TSC22D3: variants seen among roughly 807,000 people sequenced by gnomAD.
TSC22D3 encodes TSC22 domain family member 3, also known as TSC22 domain family protein 3.
Under a neutral mutation model 11.1 loss-of-function variants are expected in TSC22D3, and 4 were observed. The observed-to-expected ratio is 0.36, with a 90% CI of 0.18 to 0.83. The LOEUF is 0.83. Among genes scored for constraint, TSC22D3 ranks in the 40% least tolerant of loss-of-function variants. The pLI, the probability that TSC22D3 is intolerant of heterozygous loss-of-function variation, is 0.48. For synonymous variants in TSC22D3, 77 were observed against 70.3 expected, an observed-to-expected ratio of 1.10 and a Z score of -0.48; for missense variants, 118 against 159.4, an observed-to-expected ratio of 0.74 and a Z score of 1.40.
At chrX:107,770,616 G>A (rs977831209) in intron 1 of TSC22D3, among the ~76,000 whole-genome samples, 1 of 111,695 alleles carries the variant, frequency 9.0e-6, no homozygotes, top group African/African-American at 3.3e-5. Context: ...GAGCTGGAAG[G>A]GAAATCGGAT....
chrX:107,753,879 C>T (rs758928102), intron 1 of TSC22D3, among the ~76,000 whole-genome samples: 101 of 109,447 alleles, frequency 9.2e-4, no homozygotes, highest in African/African-American at 3.1e-3. Flanking sequence ...GGCAGATCTA[C>T]TGAAAAAAGT....
chrX:107,758,714 C>T (rs189956302), intron 1 of TSC22D3, among the ~76,000 whole-genome samples: 2 of 111,673 alleles, frequency 1.8e-5, no homozygotes, highest in Non-Finnish European at 3.8e-5. Flanking sequence ...CAAACACACA[C>T]GTAAAGAACT....
At chrX:107,771,307 G>A (rs1324853724) in intron 1 of TSC22D3, among the ~76,000 whole-genome samples, 5 of 112,271 alleles carry the variant, frequency 4.5e-5, no homozygotes, top group African/African-American at 9.7e-5. Flanking sequence ...CCATTTGGTC[G>A]GGCGCAGTGG....
At chrX:107,735,349 T>C (rs1292826135) in intron 1 of TSC22D3, among the ~76,000 whole-genome samples, 1 of 111,664 alleles carries the variant, frequency 9.0e-6, no homozygotes, top group Non-Finnish European at 1.9e-5. Flanking sequence ...AGGGCCTTGG[T>C]TTCCACACCT....
At chrX:107,723,461 C>T (rs1927457563) in intron 1 of TSC22D3, among the ~76,000 whole-genome samples, 1 of 112,708 alleles carries the variant, frequency 8.9e-6, no homozygotes, top group African/African-American at 3.2e-5. Context: ...TATCCCACCT[C>T]TTTCAGAGGC....
intron 1 of TSC22D3, among the ~76,000 whole-genome samples, chrX:107,757,489 G>T (rs973703575): frequency 1.8e-5 from 2 of 112,232 alleles, no homozygotes; most frequent in African/African-American, 6.5e-5. Context: ...CTCTGGTGAG[G>T]AGATACAAGC....
chrX:107,724,861 G>T (rs1319435227), intron 1 of TSC22D3, among the ~76,000 whole-genome samples: 1 of 112,561 alleles, frequency 8.9e-6, no homozygotes, highest in Non-Finnish European at 1.9e-5. Context: ...AAATGAAGGA[G>T]AAATAAAAAC....
intron 1 of TSC22D3, among the ~76,000 whole-genome samples, chrX:107,731,792 G>A (rs1310445852): frequency 1.1e-4 from 11 of 104,381 alleles, no homozygotes; most frequent in African/African-American, 3.9e-4. Flanking sequence ...GCCTGCGCTG[G>A]GGATAAGCAG....
At chrX:107,716,639 T>C in intron 1 of TSC22D3, 1 of 1,049,119 alleles carries the variant, frequency 9.5e-7, no homozygotes. Context: ...CTAGCCCAGC[T>C]CCGGCCGGCG....
At chrX:107,741,586 A>T (rs1283510565) in intron 1 of TSC22D3, among the ~76,000 whole-genome samples, 2 of 113,060 alleles carry the variant, frequency 1.8e-5, no homozygotes, top group Non-Finnish European at 3.7e-5. Flanking sequence ...AAGGAGGCTA[A>T]GGAGAAACTA....
intron 1 of TSC22D3, among the ~76,000 whole-genome samples, chrX:107,746,574 ATGCTATACTTCCAGC>A (rs1928671325): frequency 8.9e-6 from 1 of 111,921 alleles, no homozygotes; most frequent in South Asian, 3.7e-4. Flanking sequence ...ACCCTCCCAG[ATGCTATACTTCCAGC>A]TGTCCCTTCA....
intron 1 of TSC22D3, among the ~76,000 whole-genome samples, chrX:107,756,859 GC>G (rs1170752175): frequency 1.8e-5 from 2 of 112,490 alleles, no homozygotes; most frequent in Non-Finnish European, 3.8e-5. Flanking sequence ...CAGCTGGAGT[GC>G]CCCATGCCCA....
chrX:107,742,281 AAGAGAGAGAGAG>A (rs764889060), intron 1 of TSC22D3, among the ~76,000 whole-genome samples: 4,529 of 56,755 alleles, frequency 0.08, 178 homozygotes, highest in Non-Finnish European at 0.11. Flanking sequence ...GAGAGAGAGA[AAGAGAGAGAGAG>A]AGAGAGAGAG....
At chrX:107,769,560 T>G (rs952084826) in intron 1 of TSC22D3, among the ~76,000 whole-genome samples, 15 of 111,651 alleles carry the variant, frequency 1.3e-4, no homozygotes, top group Admixed American at 1.0e-3. Flanking sequence ...ATTTTGGGAA[T>G]GATAATGGTT....
At position 107,714,644 on chromosome X, in the gene TSC22D3, T is replaced by C; in HGVS notation, c.478A>G (p.Asn160Asp). Residue 160 changes from asparagine to aspartate, a missense_variant, in exon 3 of 3, where the codon AAC (asparagine) becomes GAC (aspartate). Coordinates refer to ENST00000372383, the MANE Select transcript of TSC22D3 (RefSeq NM_198057.3). ...CTTGCCAGGGTCTTCAACAGGGTGT[T>C]CTCACGCTCTAGCTGGGAGTTCTTC... ...VEKNSQLERE[N>D]TLLKTLASPE... 8.3e-7 allele frequency: 1 copy of C among 1,211,398 alleles called. No individual in the cohort carries two copies. The highest frequency in any genetic ancestry group is 1.1e-6 in the Non-Finnish European group (1 of 895,388).
At chrX:107,727,153 G>T (rs1252754914) in intron 1 of TSC22D3, among the ~76,000 whole-genome samples, 6 of 112,088 alleles carry the variant, frequency 5.4e-5, no homozygotes, top group East Asian at 5.5e-4. Context: ...ATAGGCTGCT[G>T]CAATGATGGG....
chrX:107,734,246 G>A (rs1447619363), intron 1 of TSC22D3, among the ~76,000 whole-genome samples: 1 of 112,196 alleles, frequency 8.9e-6, no homozygotes, highest in Non-Finnish European at 1.9e-5. Flanking sequence ...GCCCACCATA[G>A]TACAGTGTGT....
rs772626665 is a variant in TSC22D3 at position 107,729,394 on chromosome X, C to T, written c.321-13444G>A. Reference sequence around the variant, plus strand: ...GGAATGAGTCTAGTGGGAGAAATTCCAGGCAGAAGGGCAGGACGCTGGAGG... The same window carrying T: ...GGAATGAGTCTAGTGGGAGAAATTCTAGGCAGAAGGGCAGGACGCTGGAGG... On this transcript the variant is annotated intron_variant, in intron 1 of 2. Transcript: ENST00000372383. Among the ~76,000 whole-genome samples, 4 of 111,830 alleles carry T rather than the reference C, an allele frequency of 3.6e-5. No homozygotes were observed. In the Admixed American group the frequency reaches 3.8e-4, roughly 11 times the overall value.
rs1242656058 is a variant in TSC22D3, at chrX:107,744,212, C to A, written c.321-28262G>T. The stretch of plus-strand genomic sequence containing the variant: ...TGCTGCCCTGCCCTCTCTGACATGG[C>A]CAACCTTCCAATACTGCCAGCCGCT... On this transcript the variant is annotated intron_variant, in intron 1 of 2. Coordinates refer to ENST00000372383, the MANE Select transcript of TSC22D3 (RefSeq NM_198057.3). Among the ~76,000 whole-genome samples, 3 of 112,090 alleles carry A rather than the reference C, an allele frequency of 2.7e-5. No homozygotes were observed. The East Asian group carries it at 8.4e-4, about 31-fold the overall frequency.
Sources: gnomAD v4.1 joint callset for allele counts (sites outside exome capture counted in the v4.1 genomes callset) on GRCh38, gnomAD v4.1.1 for gene constraint, MANE v1.5 for transcripts, NCBI Gene and HGNC (gene_info 2026-07-23, HGNC 2026-07-21) for gene names.